SLIT2: variants seen among roughly 807,000 people sequenced by gnomAD.
SLIT2 encodes the protein slit guidance ligand 2.
In SLIT2, 41 loss-of-function variants were observed where a neutral mutation model predicts 185.7. The observed-to-expected ratio is 0.22, with a 90% CI of 0.17 to 0.29. The LOEUF (loss-of-function observed/expected upper bound fraction) is 0.29, where lower values mean the gene tolerates loss of function less well. SLIT2 is among the 10% of genes least tolerant of loss of function. SLIT2 has a pLI of 1.00. For synonymous variants in SLIT2, 693 were observed against 680.2 expected (o/e 1.02, Z -0.29); for missense variants, 1,571 against 1,909.0 (o/e 0.82, Z 3.30).
chr4:20,518,561 A>G (rs772884174), intron 11 of SLIT2, among the ~76,000 whole-genome samples: 823 of 8,722 alleles, frequency 0.094, 61 homozygotes, highest in African/African-American at 0.18. Flanking sequence ...CTATATGTAT[A>G]TATATATATA....
At chr4:20,387,031 T>G (rs930869858) in intron 4 of SLIT2, among the ~76,000 whole-genome samples, 1 of 152,160 alleles carries the variant, frequency 6.6e-6, no homozygotes, top group African/African-American at 2.4e-5. Context: ...CTCTTAGTAT[T>G]TCCAGCTTTC....
At chr4:20,283,984 C>T (rs1351706736) in intron 4 of SLIT2, among the ~76,000 whole-genome samples, 2 of 152,158 alleles carry the variant, frequency 1.3e-5, no homozygotes, top group Non-Finnish European at 2.9e-5. Flanking sequence ...TGTTGTCTTT[C>T]AATTCCAATT....
intron 4 of SLIT2, chr4:20,393,428 A>T (rs528962151): frequency 2.0e-4 from 30 of 152,182 alleles, no homozygotes; most frequent in African/African-American, 7.0e-4. Flanking sequence ...TCTTCTGACG[A>T]GTGCTGGCAT....
At chr4:20,519,539 A>G in intron 12 of SLIT2, 86 bp downstream of exon 12, 1 of 778,650 alleles carries the variant, frequency 1.3e-6, no homozygotes, top group Non-Finnish European at 2.2e-6. Context: ...GAGGCCTTGG[A>G]AAAATTTGAC....
At position 20,598,784 on chromosome 4, in the gene SLIT2, G is replaced by T. The variant is rs151173273; in HGVS notation, c.3692+389G>T. Among the ~76,000 whole-genome samples, 1,071 of 152,270 alleles carry T rather than the reference G, an allele frequency of 7.0e-3. 8 individuals carry two copies. The highest frequency in any genetic ancestry group is 0.024 in the African/African-American group (1,012 of 41,546). On this transcript the variant is annotated intron_variant, in intron 33 of 36. Coordinates refer to ENST00000504154, the MANE Select transcript of SLIT2 (RefSeq NM_004787.4). The stretch of plus-strand genomic sequence containing the variant: ...CCTCGACCTTTAATAGACGTTTGCA[G>T]TAAGTTCTCAAGGAAACAACCAGCT...
chr4:20,569,080 GT>G, intron 29 of SLIT2, 76 bp downstream of exon 29: 1 of 1,243,144 alleles, frequency 8.0e-7, no homozygotes, highest in Non-Finnish European at 1.2e-6. Flanking sequence ...TGTTATATAT[GT>G]TTAGTAAATC....
At chr4:20,463,004 G>A (rs1265201074) in intron 4 of SLIT2, among the ~76,000 whole-genome samples, 1 of 152,236 alleles carries the variant, frequency 6.6e-6, no homozygotes, top group African/African-American at 2.4e-5. Flanking sequence ...CATTTTAAAA[G>A]TATGAACTCA....
chr4:20,358,268 C>T (rs534645887), intron 4 of SLIT2, among the ~76,000 whole-genome samples: 3 of 152,104 alleles, frequency 2.0e-5, no homozygotes, highest in East Asian at 3.9e-4. Flanking sequence ...ATAGAGTGAT[C>T]GGACTGGTTT....
chr4:20,254,032 G>C lies in SLIT2; in HGVS notation c.179+38G>C, dbSNP rs1353294280. On this transcript the variant is annotated intron_variant, in intron 1 of 36. Coordinates refer to ENST00000504154, the MANE Select transcript of SLIT2 (RefSeq NM_004787.4). The surrounding 1 kb of genome is among the most constrained non-coding windows in gnomAD (Gnocchi z 5.1). ...TCTTCGTCTTCCCCTCTCCCCATCCGGGCCGCGCACCCCTGCCTCCACTGG... is the reference window on the plus strand; with the variant it reads ...TCTTCGTCTTCCCCTCTCCCCATCCCGGCCGCGCACCCCTGCCTCCACTGG... The C allele has an allele frequency of 1.3e-6, 2 of 1,578,654 alleles. No homozygotes were observed. Among genetic ancestry groups the C allele is most frequent in the East Asian group, 2.2e-5 (1 of 44,456 alleles).
chr4:20,345,580 G>T (rs1721331939), intron 4 of SLIT2, among the ~76,000 whole-genome samples: 1 of 135,928 alleles, frequency 7.4e-6, no homozygotes, highest in African/African-American at 2.8e-5. Flanking sequence ...TTGTCACCCA[G>T]GCTGGAGTGC....
intron 4 of SLIT2, among the ~76,000 whole-genome samples, chr4:20,272,281 A>AAAT (rs1553868305): frequency 6.6e-6 from 1 of 151,134 alleles, no homozygotes; most frequent in African/African-American, 2.5e-5. Context: ...TAAAAAAAAA[A>AAAT]AAAATAAGCC....
intron 4 of SLIT2, among the ~76,000 whole-genome samples, chr4:20,400,337 G>T (rs1462729805): frequency 4.6e-5 from 7 of 151,596 alleles, no homozygotes; most frequent in Admixed American, 4.0e-4. Flanking sequence ...GGCATAGAAG[G>T]ATGGCCATAG....
chr4:20,602,230 A>G (rs1728466535), intron 33 of SLIT2, among the ~76,000 whole-genome samples: 1 of 152,248 alleles, frequency 6.6e-6, no homozygotes, highest in East Asian at 1.9e-4. Context: ...TTTTTACAAA[A>G]GTTAATGAAA....
intron 4 of SLIT2, among the ~76,000 whole-genome samples, chr4:20,427,576 A>C (rs1181164682): frequency 1.3e-5 from 2 of 152,086 alleles, no homozygotes; most frequent in East Asian, 3.9e-4. Context: ...GCTGCAGGCC[A>C]GTGTTCTTGT....
intron 9 of SLIT2, among the ~76,000 whole-genome samples, chr4:20,504,572 A>G (rs1719025405): frequency 6.6e-6 from 1 of 152,140 alleles, no homozygotes; most frequent in African/African-American, 2.4e-5. Context: ...AATGTGAATG[A>G]TGTATGTGTG....
At chr4:20,432,401 C>T (rs1268366684) in intron 4 of SLIT2, among the ~76,000 whole-genome samples, 1 of 152,050 alleles carries the variant, frequency 6.6e-6, no homozygotes, top group Non-Finnish European at 1.5e-5. Context: ...TGAGAAAAGG[C>T]AGACAAAATA....
At position 20,391,142 on chromosome 4, in the gene SLIT2, G is replaced by C. The variant is rs556730856; in HGVS notation, c.396-76610G>C. ...TTTTGTAAAAACGGTTAGAATTGTCGGGGTAAATCCTTTTACCTATGTAAA... is the reference window on the plus strand; with the variant it reads ...TTTTGTAAAAACGGTTAGAATTGTCCGGGTAAATCCTTTTACCTATGTAAA... On this transcript the variant is annotated intron_variant, in intron 4 of 36. Transcript: ENST00000504154. Among the ~76,000 whole-genome samples, 87 of 151,896 alleles carry C rather than the reference G, an allele frequency of 5.7e-4. No individual in the cohort carries two copies. In the South Asian group the frequency reaches 0.015, roughly 25 times the overall value.
intron 6 of SLIT2, among the ~76,000 whole-genome samples, chr4:20,482,573 G>C (rs1297458209): frequency 6.6e-6 from 1 of 151,830 alleles, no homozygotes; most frequent in African/African-American, 2.4e-5. Context: ...TATCTAAAAA[G>C]TGACTTTAGC....
chr4:20,307,387 C>T (rs1717682943), intron 4 of SLIT2, among the ~76,000 whole-genome samples: 1 of 151,436 alleles, frequency 6.6e-6, no homozygotes, highest in Admixed American at 6.6e-5. Flanking sequence ...CTCAGCCTCC[C>T]ACGTGGCTGA....
Sources: allele counts gnomAD v4.1 joint callset (sites outside exome capture counted in the v4.1 genomes callset), GRCh38; gene constraint gnomAD v4.1.1; non-coding constraint Gnocchi (gnomAD v3.1); transcripts MANE v1.5; gene names NCBI Gene and HGNC (gene_info 2026-07-23, HGNC 2026-07-21).